Variants in DHX57 observed in about 807,000 individuals in gnomAD.
DHX57 encodes DExH-box helicase 57, also known as putative ATP-dependent RNA helicase DHX57.
In DHX57, 105 loss-of-function variants were observed where a neutral mutation model predicts 156.2. The observed-to-expected ratio is 0.67, with a 90% confidence interval of 0.57 to 0.79. The LOEUF is 0.79. Ranked by LOEUF, DHX57 falls within the 30% of genes least tolerant of loss-of-function variation. DHX57 has a pLI of 0.00. For missense variants in DHX57, 1,847 were observed against 1,661.9 expected (o/e 1.11, Z -1.94); for synonymous variants, 704 against 595.6 (o/e 1.18, Z -2.65).
At chr2:38,829,549 C>G (rs1180255734) in intron 13 of DHX57, among the ~76,000 whole-genome samples, 1 of 152,202 alleles carries the variant, frequency 6.6e-6, no homozygotes, top group Non-Finnish European at 1.5e-5. Context: ...GGATTACAGG[C>G]ATGAGCCACT....
At position 38,843,178 on chromosome 2, in the gene DHX57, C is replaced by T. The variant is rs768628631; in HGVS notation, c.2252G>A (p.Arg751Gln). 1.4e-5 allele frequency: 22 copies of T among 1,614,048 alleles called. 1 individual carries two copies. Among genetic ancestry groups the T allele is most frequent in the South Asian group, 7.7e-5 (7 of 91,082 alleles). Reference protein sequence around the residue: ...YVLQDGSPYMRSMKQISKEKL... With the variant: ...YVLQDGSPYMQSMKQISKEKL... Reference sequence around the variant, plus strand: ...TTCCTTTGAAATCTGTTTCATGGACCGCATATATGGGCTCCCATCCTGTAA... The same window carrying T: ...TTCCTTTGAAATCTGTTTCATGGACTGCATATATGGGCTCCCATCCTGTAA... Residue 751 changes from arginine to glutamine, a missense_variant, in exon 12 of 24, where the codon CGG becomes CAG. Coordinates refer to ENST00000457308, the MANE Select transcript of DHX57 (RefSeq NM_198963.3).
intron 9 of DHX57, among the ~76,000 whole-genome samples, chr2:38,849,914 A>G (rs1672493854): frequency 6.6e-6 from 1 of 151,898 alleles, no homozygotes; most frequent in South Asian, 2.1e-4. Context: ...TTGAATTTCT[A>G]TTGTCTTTTT....
At chr2:38,834,331 CAA>C (rs33985881) in intron 13 of DHX57, among the ~76,000 whole-genome samples, 236 of 83,826 alleles carry the variant, frequency 2.8e-3, no homozygotes, top group Middle Eastern at 0.027. Flanking sequence ...AACTCCATCT[CAA>C]AAAAAAAAAA....
rs1257730554 is a variant in DHX57, at chr2:38,861,618, T to C, written c.792A>G (p.Ile264Met). ...TCCAGACTCTGTTCTGAATTCTTTC[T>C]ATAAATTTTTCTCCACAGATGGACT... ...ALKSICGEKF[I>M]ERIQNRVWTI... is the part of the protein sequence containing the mutation. The change falls in exon 5 of 24, where the codon ATA (isoleucine) becomes ATG (methionine). Residue 264 changes from isoleucine (I) to methionine (M), a missense_variant. Transcript: ENST00000457308. 4 of 1,614,088 alleles carry C rather than the reference T, an allele frequency of 2.5e-6. 1 individual carries two copies. The South Asian group carries it at 3.3e-5, about 13-fold the overall frequency.
At chr2:38,847,955 C>T (rs537220725) in intron 10 of DHX57, among the ~76,000 whole-genome samples, 5 of 151,850 alleles carry the variant, frequency 3.3e-5, no homozygotes, top group South Asian at 4.2e-4. Flanking sequence ...AGGTGGCGGG[C>T]ACCTGTAGTC....
At chr2:38,822,940 G>T in intron 17 of DHX57, 53 bp downstream of exon 17, 1 of 1,570,962 alleles carries the variant, frequency 6.4e-7, no homozygotes, top group South Asian at 1.2e-5. Context: ...GGTCCCCTTA[G>T]AGACCTATGG....
chr2:38,826,687 C>T lies in DHX57; in HGVS notation c.2642G>A (p.Cys881Tyr). Residue 881 changes from cysteine to tyrosine, a missense_variant and splice_region_variant, in exon 15 of 24, where the codon TGT becomes TAT. Transcript: ENST00000457308. ...AGATGAATGAAGTGGGTGAATAACA[C>T]ATCTGGAAGGAAATAAAAGCACATG... Reference protein sequence around the residue: ...SLFNNRRSNRCVIHPLHSSLS... With the variant: ...SLFNNRRSNRYVIHPLHSSLS... 6.2e-7 allele frequency: 1 copy of T among 1,613,546 alleles called. No homozygotes were observed. Among genetic ancestry groups the T allele is most frequent in the Non-Finnish European group, 8.5e-7 (1 of 1,179,658 alleles).
chr2:38,820,720 T>A (rs1447591844), intron 17 of DHX57, among the ~76,000 whole-genome samples: 1 of 152,160 alleles, frequency 6.6e-6, no homozygotes, highest in Admixed American at 6.6e-5. Flanking sequence ...TTTTTGCAGA[T>A]CTGTGAGTTT....
At chr2:38,863,252 T>C in intron 3 of DHX57, 109 bp downstream of exon 3, 2 of 1,156,416 alleles carry the variant, frequency 1.7e-6, no homozygotes, top group Middle Eastern at 2.1e-4. Flanking sequence ...ACTAATTAAA[T>C]GGCCACAATA....
At chr2:38,813,736 A>T (rs1383947154) in intron 21 of DHX57, 85 bp downstream of exon 21, 6 of 1,459,172 alleles carry the variant, frequency 4.1e-6, no homozygotes, top group Non-Finnish European at 5.7e-6. Flanking sequence ...TCTCTTTAAG[A>T]TGATTAATAT....
intron 20 of DHX57, among the ~76,000 whole-genome samples, 180 bp downstream of exon 20, chr2:38,815,341 A>C (rs1182031209): frequency 6.6e-6 from 1 of 152,190 alleles, no homozygotes; most frequent in African/African-American, 2.4e-5. Flanking sequence ...TTGGGATTAT[A>C]GGCACGAGCC....
intron 12 of DHX57, among the ~76,000 whole-genome samples, chr2:38,839,763 AATGAATACC>A (rs937220140): frequency 1.3e-5 from 2 of 151,972 alleles, no homozygotes; most frequent in Non-Finnish European, 2.9e-5. Context: ...GTTCTGGTAG[AATGAATACC>A]ATGTTGGTCA....
chr2:38,826,425 G>T, intron 15 of DHX57, 91 bp downstream of exon 15: 1 of 1,412,918 alleles, frequency 7.1e-7, no homozygotes. Flanking sequence ...ACAGTAATCC[G>T]TGTAGCTTAA....
intron 1 of DHX57, 116 bp from the exon 2 acceptor site, chr2:38,868,527 T>A: frequency 9.5e-7 from 1 of 1,050,532 alleles, no homozygotes; most frequent in Non-Finnish European, 1.4e-6. Context: ...AATGCATATG[T>A]AAAAAGAGCT....
chr2:38,863,329 A>G (rs1206359697), intron 3 of DHX57, 32 bp downstream of exon 3: 2 of 1,595,186 alleles, frequency 1.3e-6, no homozygotes, highest in African/African-American at 1.4e-5. Flanking sequence ...GTTTTCCTTA[A>G]TATAATAATT....
At position 38,837,959 on chromosome 2, in the gene DHX57, A is replaced by G; in HGVS notation, c.2426-12T>C. 2.6e-6 allele frequency: 4 copies of G among 1,541,444 alleles called. No homozygotes were observed. The highest frequency in any genetic ancestry group is 3.6e-6 in the Non-Finnish European group (4 of 1,114,200). On this transcript the variant is annotated splice_polypyrimidine_tract_variant and intron_variant, in intron 12 of 23. Transcript: ENST00000457308. Reference sequence around the variant, plus strand: ...TGACTTGCTAACCCCTGAAAGAAAGAAAGGTAAAAATGAGAAGGATATTTA... The same window carrying G: ...TGACTTGCTAACCCCTGAAAGAAAGGAAGGTAAAAATGAGAAGGATATTTA...
In DHX57 at chr2:38,798,412, C is replaced by T. The variant is rs1054181196; in HGVS notation, c.4048G>A (p.Glu1350Lys). The T allele has an allele frequency of 2.5e-6, 4 of 1,613,598 alleles. No homozygotes were observed. Among genetic ancestry groups the T allele is most frequent in the Admixed American group, 1.7e-5 (1 of 59,880 alleles). The stretch of plus-strand genomic sequence containing the variant: ...TTATCCTGGAGAAGCTGATCAAGTT[C>T]GCAACGAAGCTCCTTTACCAGTTCA... The part of the protein sequence containing the change: ...VAELVKELRC[E>K]LDQLLQDKIK... The change falls in exon 24 of 24, where the codon GAA becomes AAA. Residue 1350 changes from glutamate (E) to lysine (K), a missense_variant. By Grantham distance (56) the Glu-to-Lys change is moderately conservative. Coordinates refer to ENST00000457308, the MANE Select transcript of DHX57 (RefSeq NM_198963.3).
At chr2:38,856,286 G>T (rs1672889171) in intron 7 of DHX57, 54 bp downstream of exon 7, 4 of 1,571,384 alleles carry the variant, frequency 2.5e-6, no homozygotes, top group Admixed American at 1.9e-5. Context: ...TGGTAACCAG[G>T]GTGCATATAA....
chr2:38,810,071 T>C (rs890350755), intron 21 of DHX57, among the ~76,000 whole-genome samples: 1 of 151,946 alleles, frequency 6.6e-6, no homozygotes, highest in African/African-American at 2.4e-5. Context: ...TTTTTGTATT[T>C]TTTAGTAGAG....
Sources: allele counts gnomAD v4.1 joint callset (sites outside exome capture counted in the v4.1 genomes callset), GRCh38; gene constraint gnomAD v4.1.1; transcripts MANE v1.5; gene names NCBI Gene and HGNC (gene_info 2026-07-23, HGNC 2026-07-21).